BRINP3: variants seen among roughly 807,000 people sequenced by gnomAD.
The protein encoded by BRINP3 is BMP/retinoic acid-inducible neural-specific protein 3.
In BRINP3, 19 loss-of-function variants were observed where a neutral mutation model predicts 71.0. The ratio of observed to expected loss-of-function variants is 0.27; its 90% CI spans 0.19 to 0.39. The LOEUF (loss-of-function observed/expected upper bound fraction) is 0.39, where lower values mean the gene tolerates loss of function less well. BRINP3 is among the 10% of genes least tolerant of loss of function. The pLI, the probability that BRINP3 is intolerant of heterozygous loss-of-function variation, is 1.00. For missense variants in BRINP3, 959 were observed against 940.8 expected (o/e 1.02, Z -0.25); for synonymous variants, 380 against 337.7 (o/e 1.13, Z -1.37).
At chr1:190,350,488 C>T (rs1322092811) in intron 2 of BRINP3, among the ~76,000 whole-genome samples, 1 of 152,000 alleles carries the variant, frequency 6.6e-6, no homozygotes, top group Non-Finnish European at 1.5e-5. Context: ...AAATGGACAC[C>T]AAATACTAAA....
intron 2 of BRINP3, among the ~76,000 whole-genome samples, chr1:190,369,098 C>G (rs548878611): frequency 3.9e-5 from 6 of 152,160 alleles, no homozygotes; most frequent in Admixed American, 1.3e-4. Flanking sequence ...GAGGACACAG[C>G]TAAACCATAT....
chr1:190,103,930 C>T (rs553332425), intron 7 of BRINP3, among the ~76,000 whole-genome samples: 37 of 149,954 alleles, frequency 2.5e-4, no homozygotes, highest in African/African-American at 9.1e-4. Flanking sequence ...TTAATTTCAT[C>T]TCCTTTCAGT....
chr1:190,137,217 A>G (rs1041873402), intron 7 of BRINP3, among the ~76,000 whole-genome samples: 24 of 152,126 alleles, frequency 1.6e-4, no homozygotes, highest in African/African-American at 5.8e-4. Context: ...TTGAAGGCCC[A>G]AGGCAATACA....
At chr1:190,456,127 G>A (rs1243484385) in intron 1 of BRINP3, among the ~76,000 whole-genome samples, 2 of 152,078 alleles carry the variant, frequency 1.3e-5, no homozygotes, top group Non-Finnish European at 2.9e-5. Flanking sequence ...ATATTTCTCT[G>A]GTATTTGAAT....
chr1:190,225,466 T>C (rs1657269954), intron 6 of BRINP3, among the ~76,000 whole-genome samples: 1 of 151,838 alleles, frequency 6.6e-6, no homozygotes, highest in Admixed American at 6.6e-5. Context: ...AACGGTGGTT[T>C]CCAGAGGCCA....
intron 3 of BRINP3, among the ~76,000 whole-genome samples, chr1:190,266,550 G>C (rs1272233482): frequency 6.6e-6 from 1 of 152,092 alleles, no homozygotes; most frequent in Admixed American, 6.6e-5. Context: ...ATGAAAAACA[G>C]CTTTGGAGTA....
intron 2 of BRINP3, among the ~76,000 whole-genome samples, chr1:190,382,029 C>A (rs766495903): frequency 2.6e-5 from 4 of 152,052 alleles, no homozygotes; most frequent in Non-Finnish European, 4.4e-5. Flanking sequence ...TTGCATACGA[C>A]CATTTATTCC....
intron 2 of BRINP3, among the ~76,000 whole-genome samples, chr1:190,295,241 C>T (rs1243280559): frequency 6.6e-6 from 1 of 151,996 alleles, no homozygotes; most frequent in African/African-American, 2.4e-5. Context: ...CCCTTCTGGC[C>T]CAGGATGGAT....
intron 6 of BRINP3, among the ~76,000 whole-genome samples, chr1:190,213,812 T>C (rs1239129835): frequency 1.3e-5 from 2 of 151,930 alleles, no homozygotes; most frequent in Non-Finnish European, 2.9e-5. Context: ...GGGGAACATA[T>C]TTAGGAAAGA....
Position 190,414,130 on chromosome 1 carries a change from T to C in BRINP3, c.236+40525A>G, listed in dbSNP as rs529115803. ...CGATGACCATGTTTTATTTTTCTGG[T>C]AAAAATCATGCTATTTTCATTTTAA... On this transcript the variant is annotated intron_variant, in intron 2 of 7. Transcript: ENST00000367462. 8.5e-5 allele frequency among the ~76,000 whole-genome samples: 13 copies of C among 152,110 alleles called. No homozygotes were observed. The South Asian group carries it at 2.7e-3, about 32-fold the overall frequency.
intron 2 of BRINP3, among the ~76,000 whole-genome samples, chr1:190,426,795 G>T (rs913720667): frequency 1.1e-4 from 17 of 151,874 alleles, no homozygotes; most frequent in African/African-American, 3.9e-4. Flanking sequence ...AGACAGTTGT[G>T]TTATGAGTAT....
At chr1:190,395,835 T>A (rs1251266695) in intron 2 of BRINP3, among the ~76,000 whole-genome samples, 1 of 151,858 alleles carries the variant, frequency 6.6e-6, no homozygotes, top group East Asian at 1.9e-4. Flanking sequence ...TCTTTAAGTT[T>A]TTGGTAATAA....
At chr1:190,207,921 G>T (rs1024328800) in intron 6 of BRINP3, among the ~76,000 whole-genome samples, 1 of 151,870 alleles carries the variant, frequency 6.6e-6, no homozygotes, top group East Asian at 1.9e-4. Context: ...AGTTGAACTC[G>T]CTCTAGGTAA....
At chr1:190,376,769 G>A (rs902967726) in intron 2 of BRINP3, among the ~76,000 whole-genome samples, 5 of 152,032 alleles carry the variant, frequency 3.3e-5, no homozygotes, top group South Asian at 4.1e-4. Flanking sequence ...TCTAAGTTCT[G>A]CCGATGTTAA....
At chr1:190,415,378 T>C (rs1258789808) in intron 2 of BRINP3, among the ~76,000 whole-genome samples, 2 of 152,172 alleles carry the variant, frequency 1.3e-5, no homozygotes, top group South Asian at 2.1e-4. Flanking sequence ...TTCCACTAAT[T>C]TGCAAGCCTT....
At chr1:190,361,569 A>G (rs1669150325) in intron 2 of BRINP3, among the ~76,000 whole-genome samples, 1 of 151,822 alleles carries the variant, frequency 6.6e-6, no homozygotes, top group Admixed American at 6.6e-5. Context: ...CGCCCAGCTA[A>G]TTTTTGTATT....
At chr1:190,333,964 CATA>C (rs1447928396) in intron 2 of BRINP3, among the ~76,000 whole-genome samples, 20 of 151,812 alleles carry the variant, frequency 1.3e-4, no homozygotes, top group African/African-American at 4.8e-4. Flanking sequence ...TTCTCAGTTC[CATA>C]ATACTTCCAA....
chr1:190,301,964 C>T (rs1377184600), intron 2 of BRINP3, among the ~76,000 whole-genome samples: 1 of 151,576 alleles, frequency 6.6e-6, no homozygotes, highest in Non-Finnish European at 1.5e-5. Flanking sequence ...TTTGGTACTA[C>T]TTGTATATAG....
At chr1:190,151,124 G>A (rs570054431) in intron 7 of BRINP3, among the ~76,000 whole-genome samples, 2 of 152,086 alleles carry the variant, frequency 1.3e-5, no homozygotes, top group Admixed American at 1.3e-4. Flanking sequence ...TCCATCCTGG[G>A]TGACAGAGCA....
Sources: allele counts gnomAD v4.1 joint callset (sites outside exome capture counted in the v4.1 genomes callset), GRCh38; gene constraint gnomAD v4.1.1; transcripts MANE v1.5; gene names NCBI Gene and HGNC (gene_info 2026-07-23, HGNC 2026-07-21).